KAT14: variants seen among roughly 807,000 people sequenced by gnomAD.
KAT14 encodes the protein lysine acetyltransferase 14, also known as cysteine-rich protein 2-binding protein.
KAT14 carries 66 observed loss-of-function variants against 78.4 expected under a neutral mutation model. That is an observed-to-expected ratio of 0.84 (90% CI 0.69 to 1.03). The LOEUF is 1.03. Among genes scored for constraint, KAT14 ranks in the 50% least tolerant of loss-of-function variants. The pLI, the probability that KAT14 is intolerant of heterozygous loss-of-function variation, is 0.00. For synonymous variants in KAT14, 344 were observed against 359.4 expected, an observed-to-expected ratio of 0.96 and a Z score of 0.48; for missense variants, 870 against 972.5, an observed-to-expected ratio of 0.89 and a Z score of 1.40.
intron 7 of KAT14, among the ~76,000 whole-genome samples, chr20:18,179,748 C>T (rs1270874335): frequency 6.6e-6 from 1 of 152,218 alleles, no homozygotes; most frequent in Non-Finnish European, 1.5e-5. Flanking sequence ...GCCAGCTTGA[C>T]TTTCTCCTCA....
chr20:18,173,877 G>A (rs1483966421), intron 7 of KAT14, among the ~76,000 whole-genome samples: 1 of 152,088 alleles, frequency 6.6e-6, no homozygotes, highest in African/African-American at 2.4e-5. Context: ...TATTTAAAGT[G>A]TACAGTTGAC....
At chr20:18,175,431 G>T (rs2039002514) in intron 7 of KAT14, among the ~76,000 whole-genome samples, 2 of 152,012 alleles carry the variant, frequency 1.3e-5, no homozygotes, top group African/African-American at 4.8e-5. Context: ...AGCAGCCCCT[G>T]ACCCATCTGT....
rs2038331288 is a variant in KAT14, at chr20:18,159,245, C to T, written c.662C>T (p.Ala221Val). Reference protein sequence around the residue: ...TMKPEGEKLSASTLKIKASKP... With the variant: ...TMKPEGEKLSVSTLKIKASKP... The stretch of plus-strand genomic sequence containing the variant: ...AAACCTGAAGGAGAGAAGTTGTCTG[C>T]CTCTACTTTGAAAATAAAAGGTACT... Residue 221 changes from alanine to valine, a missense_variant, in exon 5 of 11, where the codon GCC (alanine) becomes GTC (valine). Coordinates refer to ENST00000688188, the MANE Select transcript of KAT14 (RefSeq NM_001392073.1). 2 of 1,613,860 alleles carry T rather than the reference C, an allele frequency of 1.2e-6. No homozygotes were observed. Among genetic ancestry groups the T allele is most frequent in the East Asian group, 4.5e-5 (2 of 44,870 alleles).
Position 18,142,627 on chromosome 20 carries a change from T to C in KAT14, c.-34T>C, listed in dbSNP as rs756724418. 2 of 1,612,672 alleles carry C rather than the reference T, an allele frequency of 1.2e-6. No homozygotes were observed. The highest frequency in any genetic ancestry group is 1.7e-5 in the Admixed American group (1 of 59,936). ...ACTGTCCAGTGCTTAGGGTTGTTAC[T>C]GAGAAGCACTGCCGAGCTTGTGAGA... On this transcript the variant is annotated 5_prime_UTR_variant, in exon 2 of 11. Transcript: ENST00000688188.
chr20:18,142,199 C>G lies in KAT14; in HGVS notation c.-453-9C>G, dbSNP rs749629494. ...GGATGTTACTGAAATCTGTTTCTTA[C>G]GTTTTTAGAGGCTTCGTGACGGAGT... is the stretch of plus-strand genomic sequence containing the variant. On this transcript the variant is annotated splice_polypyrimidine_tract_variant and intron_variant, in intron 1 of 10. Coordinates refer to ENST00000688188, the MANE Select transcript of KAT14 (RefSeq NM_001392073.1). 29 of 1,535,446 alleles carry G rather than the reference C, an allele frequency of 1.9e-5. No homozygotes were observed. Among genetic ancestry groups the G allele is most frequent in the East Asian group, 2.4e-5 (1 of 40,892 alleles).
At chr20:18,180,273 TG>T (rs1245728120) in intron 7 of KAT14, among the ~76,000 whole-genome samples, 3 of 152,174 alleles carry the variant, frequency 2.0e-5, no homozygotes, top group African/African-American at 7.2e-5. Context: ...CAGGGCAAAA[TG>T]CCAGCAGTCT....
chr20:18,168,501 G>A (rs949921949), intron 7 of KAT14, among the ~76,000 whole-genome samples: 3 of 151,912 alleles, frequency 2.0e-5, no homozygotes, highest in Admixed American at 6.6e-5. Flanking sequence ...GCACTCCAGC[G>A]TGGGTGATTG....
chr20:18,160,489 T>C (rs992957159), intron 5 of KAT14, among the ~76,000 whole-genome samples: 1 of 152,250 alleles, frequency 6.6e-6, no homozygotes, highest in Non-Finnish European at 1.5e-5. Context: ...ATTTACCCTA[T>C]TTTATTTCAT....
chr20:18,181,651 G>A lies in KAT14; in HGVS notation c.1669-59G>A, dbSNP rs150680715. 3,928 of 1,607,414 alleles carry A rather than the reference G, an allele frequency of 2.4e-3. 84 individuals carry two copies. The African/African-American group carries it at 0.045, about 18-fold the overall frequency. ...CCCAAAGTGTTGGGATTACCGGCAT[G>A]AGCCACTGTGCCCAGCCTGAGTAAT... On this transcript the variant is annotated intron_variant, in intron 7 of 10. Coordinates refer to ENST00000688188, the MANE Select transcript of KAT14 (RefSeq NM_001392073.1).
chr20:18,178,644 G>A (rs12151890), intron 7 of KAT14, among the ~76,000 whole-genome samples: 21,950 of 152,032 alleles, frequency 0.14, 2,407 homozygotes, highest in African/African-American at 0.31. Flanking sequence ...AACCGCCCCC[G>A]TGATTCAAAT....
chr20:18,142,471 G>T lies in KAT14; in HGVS notation c.-190G>T. On this transcript the variant is annotated 5_prime_UTR_variant, in exon 2 of 11. Coordinates refer to ENST00000688188, the MANE Select transcript of KAT14 (RefSeq NM_001392073.1). ...TTTTGGTCACTGTCCTTTTAAACTT[G>T]ATCAAATAAAGGACAGTGGGTCATA... 6.9e-7 allele frequency: 1 copy of T among 1,456,858 alleles called. No homozygotes were observed. The highest frequency in any genetic ancestry group is 1.5e-5 in the South Asian group (1 of 68,184). 90.2% of individuals were successfully genotyped at this position (1,456,858 alleles called of 1,614,324 possible).
At chr20:18,156,084 T>A (rs1395310889) in intron 4 of KAT14, among the ~76,000 whole-genome samples, 1 of 152,208 alleles carries the variant, frequency 6.6e-6, no homozygotes, top group Non-Finnish European at 1.5e-5. Context: ...TGGCACATGC[T>A]GCAGTGTAGA....
rs1600214640 is a variant in KAT14 at position 18,143,001 on chromosome 20, TAA to T, written c.259+85_259+86del. ...CCAACCTGTGAAAGAAACGTGAATG[TAA>T]AAGAGACCTAAATAAAAGGATAATT... On this transcript the variant is annotated intron_variant, in intron 2 of 10. Coordinates refer to ENST00000688188, the MANE Select transcript of KAT14 (RefSeq NM_001392073.1). The T allele has an allele frequency of 1.3e-5, 20 of 1,536,182 alleles. No individual in the cohort carries two copies. The East Asian group carries it at 4.4e-4, about 34-fold the overall frequency.
At chr20:18,166,940 C>CAA (rs778437002) in intron 7 of KAT14, among the ~76,000 whole-genome samples, 19 of 152,228 alleles carry the variant, frequency 1.2e-4, no homozygotes, top group Non-Finnish European at 4.4e-5. Flanking sequence ...TGAATCTAGT[C>CAA]AGAGTCCCTG....
chr20:18,168,306 T>A (rs574494828), intron 7 of KAT14, among the ~76,000 whole-genome samples: 13 of 152,278 alleles, frequency 8.5e-5, no homozygotes, highest in African/African-American at 2.6e-4. Context: ...GGCAGGCAGA[T>A]CACTTGAGGC....
intron 8 of KAT14, 102 bp downstream of exon 8, chr20:18,181,948 C>T: frequency 1.3e-6 from 2 of 1,509,948 alleles, no homozygotes; most frequent in South Asian, 2.7e-5. Context: ...AGATCACAAA[C>T]TGTGAACAAC....
At chr20:18,181,888 G>C (rs759285614) in intron 8 of KAT14, 42 bp downstream of exon 8, 1 of 1,607,270 alleles carries the variant, frequency 6.2e-7, no homozygotes, top group African/African-American at 1.3e-5. Context: ...TGTGTCATGA[G>C]GGATAATGAT....
intron 7 of KAT14, among the ~76,000 whole-genome samples, chr20:18,163,751 A>G (rs1050410839): frequency 6.6e-6 from 1 of 152,074 alleles, no homozygotes; most frequent in Non-Finnish European, 1.5e-5. Flanking sequence ...TGTAGGGCTT[A>G]TGTCTTTCCT....
At chr20:18,178,579 T>C (rs575193051) in intron 7 of KAT14, among the ~76,000 whole-genome samples, 3 of 152,130 alleles carry the variant, frequency 2.0e-5, no homozygotes, top group Non-Finnish European at 4.4e-5. Context: ...AAACCCCTGA[T>C]AAAACCATCA....
Sources: allele counts gnomAD v4.1 joint callset (sites outside exome capture counted in the v4.1 genomes callset), GRCh38; gene constraint gnomAD v4.1.1; transcripts MANE v1.5; gene names NCBI Gene and HGNC (gene_info 2026-07-23, HGNC 2026-07-21).